RFX1: variants seen among roughly 807,000 people sequenced by gnomAD.
RFX1 encodes the protein regulatory factor X1.
In RFX1, 42 loss-of-function variants were observed where a neutral mutation model predicts 119.6. That is an observed-to-expected ratio of 0.35 (90% CI 0.27 to 0.45). RFX1 has a LOEUF of 0.45. Among genes scored for constraint, RFX1 ranks in the 20% least tolerant of loss-of-function variants. RFX1 has a pLI of 1.00. For missense variants in RFX1, 1,118 were observed against 1,368.1 expected (o/e 0.82, Z 2.88); for synonymous variants, 628 against 618.5 (o/e 1.02, Z -0.23).
At chr19:13,987,360 G>A (rs749837366) in intron 2 of RFX1, among the ~76,000 whole-genome samples, 14 of 152,102 alleles carry the variant, frequency 9.2e-5, no homozygotes, top group Non-Finnish European at 1.0e-4. Context: ...GGCAGGGACC[G>A]GGGCTGGGTG....
intron 5 of RFX1, among the ~76,000 whole-genome samples, chr19:13,981,223 T>C (rs1974421449): frequency 6.6e-6 from 1 of 152,192 alleles, no homozygotes. Context: ...CTACTGTGCC[T>C]CAGGCTGTAA....
rs1203573881 is a variant in RFX1, at chr19:13,980,457, GGGGCTGGACCCACAT to G, written c.738+101_738+115del. 1.6e-6 allele frequency: 1 copy of G among 626,740 alleles called. No individual in the cohort carries two copies. The highest frequency in any genetic ancestry group is 4.3e-4 in the Middle Eastern group (1 of 2,312). The allele number at this position is 626,740 out of a possible 1,614,324, so 38.8% of individuals were successfully genotyped here. A position where few individuals can be genotyped will look rare whatever the true frequency, so the allele number is the denominator to read the frequency against. On this transcript the variant is annotated intron_variant, in intron 6 of 20. Transcript: ENST00000254325. The surrounding 1 kb of genome is among the most constrained non-coding windows in gnomAD (Gnocchi z 5.1). ...TTATCAAAGGCCAGGGTGGCAGGCT[GGGGCTGGACCCACAT>G]GGGCTGGGCTCTAATAGGCCAGAGG...
chr19:13,988,163 GC>G (rs1974672019), intron 2 of RFX1, among the ~76,000 whole-genome samples: 1 of 151,886 alleles, frequency 6.6e-6, no homozygotes, highest in Non-Finnish European at 1.5e-5. Flanking sequence ...AGTAGCTGGT[GC>G]TACAGGCACA....
chr19:14,002,410 G>A (rs964567292), intron 1 of RFX1, among the ~76,000 whole-genome samples: 5 of 151,756 alleles, frequency 3.3e-5, no homozygotes, highest in African/African-American at 4.8e-5. Flanking sequence ...GCTTGAACTG[G>A]GGAGGTGGAG....
At chr19:13,988,506 G>A (rs1048914459) in intron 2 of RFX1, among the ~76,000 whole-genome samples, 3 of 152,156 alleles carry the variant, frequency 2.0e-5, no homozygotes, top group Non-Finnish European at 4.4e-5. Context: ...CACTCTGGGC[G>A]CCAAGCAGAG....
At chr19:13,992,997 C>G (rs561882660) in intron 2 of RFX1, among the ~76,000 whole-genome samples, 2 of 152,200 alleles carry the variant, frequency 1.3e-5, no homozygotes, top group South Asian at 4.1e-4. Context: ...AAAAAATTAG[C>G]TGGGCACAGC....
chr19:13,962,788 T>G lies in RFX1; in HGVS notation c.2847A>C (p.Ser949=), dbSNP rs1366273391. Residue 949 remains serine (S), a synonymous_variant, in exon 21 of 21, where the codon TCA becomes TCC. Coordinates refer to ENST00000254325, the MANE Select transcript of RFX1 (RefSeq NM_002918.5). ...CCAGGGTCTCCGGGCCCAGCGCGGG[T>G]GACTCGCCGCCAGCCGCCAGTGAGA... ...QDISLAAGGE[S]PALGPETLEP... 1 of 1,529,874 alleles carries G rather than the reference T, an allele frequency of 6.5e-7. No individual in the cohort carries two copies. 94.8% of individuals were successfully genotyped at this position (1,529,874 alleles called of 1,614,324 possible).
In RFX1 at chr19:13,993,722, G is replaced by A. The variant is rs547715748; in HGVS notation, c.122C>T (p.Pro41Leu). The change falls in exon 2 of 21, where the codon CCG becomes CTG. Residue 41 changes from proline (P) to leucine (L), a missense_variant. By Grantham distance (98) the Pro-to-Leu change is moderately conservative. This residue lies in a region of RFX1 where 542 missense variants were observed against 602.7 expected (regional missense o/e 0.90). Coordinates refer to ENST00000254325, the MANE Select transcript of RFX1 (RefSeq NM_002918.5). ...GGTGGCAGCAGCGGTGGGTGGCTGC[G>A]GGGGCTGGGGTGCCGCTGGGGGTGG... Reference protein sequence around the residue: ...PPPPPAAPQPPQPPTAAATPQ... With the variant: ...PPPPPAAPQPLQPPTAAATPQ... The A allele has an allele frequency of 1.3e-5, 20 of 1,582,860 alleles. No homozygotes were observed. The highest frequency in any genetic ancestry group is 5.4e-5 in the Admixed American group (3 of 55,862).
Position 13,982,272 on chromosome 19 carries a change from C to A in RFX1, c.514-44G>T, listed in dbSNP as rs200333790. ...AGGGAGGGCAGATCACTGATGACAGCCCGTGCAGTTGCACCGAGCATCTGC... is the reference window on the plus strand; with the variant it reads ...AGGGAGGGCAGATCACTGATGACAGACCGTGCAGTTGCACCGAGCATCTGC... On this transcript the variant is annotated intron_variant, in intron 4 of 20. Coordinates refer to ENST00000254325, the MANE Select transcript of RFX1 (RefSeq NM_002918.5). 29 of 1,132,964 alleles carry A rather than the reference C, an allele frequency of 2.6e-5. No homozygotes were observed. The East Asian group carries it at 7.6e-4, about 30-fold the overall frequency. 70.2% of individuals were successfully genotyped at this position (1,132,964 alleles called of 1,614,324 possible).
chr19:13,963,324 C>G, intron 18 of RFX1, 49 bp from the exon 19 acceptor site: 1 of 1,557,550 alleles, frequency 6.4e-7, no homozygotes, highest in Non-Finnish European at 8.6e-7. Context: ...CCGGCCCGAC[C>G]CCCTCTCCCC....
Position 13,970,124 on chromosome 19 carries a change from G to A in RFX1, c.1366C>T (p.Arg456Trp). 1 of 1,613,810 alleles carries A rather than the reference G, an allele frequency of 6.2e-7. No homozygotes were observed. The highest frequency in any genetic ancestry group is 8.5e-7 in the Non-Finnish European group (1 of 1,179,916). ...AAGTAGTGGCAGTAGAGGGTGCTCC[G>A]TGGCAGACTCACGCCCTCAGCCGTC... ...YETAEGVSLP[R>W]STLYCHYLLH... is the part of the protein sequence containing the mutation. Residue 456 changes from arginine to tryptophan, a missense_variant, in exon 10 of 21, where the codon CGG (arginine) becomes TGG (tryptophan). By Grantham distance (101) the Arg-to-Trp change is moderately radical (BLOSUM62 -3). Coordinates refer to ENST00000254325, the MANE Select transcript of RFX1 (RefSeq NM_002918.5).
In RFX1 at chr19:13,963,587, C is replaced by T. The variant is rs747142189; in HGVS notation, c.2521G>A (p.Gly841Ser). The T allele has an allele frequency of 3.7e-6, 6 of 1,604,776 alleles. No homozygotes were observed. The African/African-American group carries it at 5.3e-5, about 14-fold the overall frequency. Residue 841 changes from glycine (G) to serine (S), a missense_variant, in exon 18 of 21, where the codon GGC (glycine) becomes AGC (serine). This residue lies in a region of RFX1 where 68 missense variants were observed against 67.2 expected (regional missense o/e 1.01). Transcript: ENST00000254325. ...QVLKPYQGSA[G>S]FPKAAKLFLL... ...AAGAGCTTGGCGGCCTTGGGGAAGC[C>T]GGCGCTGCCCTGGTAGGGCTTGAGC... is the stretch of plus-strand genomic sequence containing the variant.
At chr19:13,970,979 C>T (rs1037999869) in intron 9 of RFX1, among the ~76,000 whole-genome samples, 2 of 150,158 alleles carry the variant, frequency 1.3e-5, no homozygotes, top group Admixed American at 6.7e-5. Context: ...CCAACCTGTG[C>T]GACAGAGCAA....
intron 2 of RFX1, 69 bp downstream of exon 2, chr19:13,993,454 TCA>T: frequency 6.9e-7 from 1 of 1,457,204 alleles, no homozygotes; most frequent in Non-Finnish European, 9.4e-7. Flanking sequence ...CCCTGTGCCT[TCA>T]CACCCAGGGT....
rs569083620 is a variant in RFX1, at chr19:13,961,656, C to G, written c.*1039G>C. The G allele has an allele frequency of 6.6e-6, 1 of 152,194 alleles. No individual in the cohort carries two copies. Among genetic ancestry groups the G allele is most frequent in the African/African-American group, 2.4e-5 (1 of 41,254 alleles). 9.4% of individuals were successfully genotyped at this position (152,194 alleles called of 1,614,324 possible). A position where few individuals can be genotyped will look rare whatever the true frequency, so the allele number is the denominator to read the frequency against. ...ACCGGGAGAGGGAGCCCCGTGGGCA[C>G]GGGGACTGGGCAGGGCCGCCCCAAA... On this transcript the variant is annotated 3_prime_UTR_variant, in exon 21 of 21. Transcript: ENST00000254325.
chr19:13,972,680 G>A lies in RFX1; in HGVS notation c.1314+63C>T, dbSNP rs1599483622. On this transcript the variant is annotated intron_variant, in intron 9 of 20. Coordinates refer to ENST00000254325, the MANE Select transcript of RFX1 (RefSeq NM_002918.5). ...GGTTGGTAACCACCGTCATGGACTG[G>A]GCTTCTAGTGCCCACCACCCACCAC... The A allele has an allele frequency of 6.0e-6, 8 of 1,328,690 alleles. No homozygotes were observed. In the Admixed American group the frequency reaches 1.0e-4, roughly 17 times the overall value. 82.3% of individuals were successfully genotyped at this position (1,328,690 alleles called of 1,614,324 possible).
chr19:14,006,079 C>G (rs901107825), intron 1 of RFX1, 24 bp downstream of exon 1: 1 of 152,418 alleles, frequency 6.6e-6, no homozygotes, highest in Admixed American at 6.5e-5. Context: ...GCCCGGCCAG[C>G]CACCCCGGGG....
upstream of RFX1, chr19:14,006,725 C>G (rs1490031968): frequency 6.6e-6 from 1 of 152,262 alleles, no homozygotes; most frequent in African/African-American, 2.4e-5. Context: ...GTAGTCCGCT[C>G]TTGCGTACAC....
intron 1 of RFX1, among the ~76,000 whole-genome samples, chr19:14,001,221 TG>T (rs1388928376): frequency 6.6e-6 from 1 of 152,216 alleles, no homozygotes; most frequent in Admixed American, 6.5e-5. Context: ...CACACTTCCT[TG>T]GGTCTGAAGG....
Sources: allele counts gnomAD v4.1 joint callset (sites outside exome capture counted in the v4.1 genomes callset), GRCh38; gene constraint gnomAD v4.1.1; regional missense constraint gnomAD v4.1.1; non-coding constraint Gnocchi (gnomAD v3.1); transcripts MANE v1.5; gene names NCBI Gene and HGNC (gene_info 2026-07-23, HGNC 2026-07-21).